Variants in TTYH2 observed in about 807,000 individuals in gnomAD.
TTYH2 encodes the protein protein tweety homolog 2.
A neutral mutation model predicts 68.3 loss-of-function variants in TTYH2; 49 were observed. The observed-to-expected ratio is 0.72, with a 90% CI of 0.57 to 0.91. The LOEUF (loss-of-function observed/expected upper bound fraction) is 0.91. Ranked by LOEUF, TTYH2 falls within the 40% of genes least tolerant of loss-of-function variation. The pLI is 0.00. For missense variants in TTYH2, 631 were observed against 700.4 expected (o/e 0.90, Z 1.12); for synonymous variants, 272 against 300.8 (o/e 0.90, Z 0.99).
chr17:74,228,012 C>T (rs2050349384), intron 2 of TTYH2, among the ~76,000 whole-genome samples: 3 of 109,406 alleles, frequency 2.7e-5, no homozygotes, highest in Non-Finnish European at 4.9e-5. Flanking sequence ...GAGATAGAGT[C>T]TTGCTCTGTC....
intron 10 of TTYH2, chr17:74,250,563 G>A: frequency 1.8e-6 from 1 of 563,462 alleles, no homozygotes; most frequent in Non-Finnish European, 3.2e-6. Context: ...CAAGGGACCA[G>A]GGGTTCGGGA....
intron 1 of TTYH2, among the ~76,000 whole-genome samples, chr17:74,219,710 C>G (rs574107473): frequency 2.6e-5 from 4 of 152,170 alleles, no homozygotes; most frequent in African/African-American, 9.7e-5. Context: ...AACCTGACTT[C>G]TGGGAAATTC....
At position 74,241,583 on chromosome 17, in the gene TTYH2, C is replaced by G. The variant is rs886466855; in HGVS notation, c.636-1791C>G. On this transcript the variant is annotated intron_variant, in intron 4 of 13. Transcript: ENST00000269346. This position sits in a 1 kb window ranked among gnomAD's most constrained non-coding sequence, Gnocchi z 4.1. The stretch of plus-strand genomic sequence containing the variant: ...AGGCCTCCAGCTTGCTCCCTCCCCT[C>G]TCTCCCTCGGAGCCTCTTTGCCACT... 6.6e-6 allele frequency among the ~76,000 whole-genome samples: 1 copy of G among 152,154 alleles called. No homozygotes were observed. The highest frequency in any genetic ancestry group is 2.4e-5 in the African/African-American group (1 of 41,430).
At position 74,219,403 on chromosome 17, in the gene TTYH2, A is replaced by AAAAAAAAAAAAAAAAG. The variant is rs1241503126; in HGVS notation, c.130-3082_130-3081insAAAAAAAAAAAAAAAG. The stretch of plus-strand genomic sequence containing the variant: ...ACTCCGTGTCAAAAAAAAAAAAAAA[A>AAAAAAAAAAAAAAAAG]GAATAACTTACAGGAAAGAGTGCAG... On this transcript the variant is annotated intron_variant, in intron 1 of 13. Transcript: ENST00000269346. 2.1e-3 allele frequency among the ~76,000 whole-genome samples: 318 copies of AAAAAAAAAAAAAAAAG among 149,582 alleles called. 11 individuals carry two copies. Among genetic ancestry groups the AAAAAAAAAAAAAAAAG allele is most frequent in the African/African-American group, 7.8e-3 (304 of 39,204 alleles).
intron 12 of TTYH2, 108 bp downstream of exon 12, chr17:74,253,374 TC>T (rs2143781171): frequency 1.5e-6 from 2 of 1,351,120 alleles, no homozygotes; most frequent in East Asian, 4.9e-5. Context: ...CCACCCGTGG[TC>T]CCCACTACAG....
At chr17:74,260,024 C>T (rs895179026) in intron 13 of TTYH2, 105 bp from the exon 14 acceptor site, 5 of 1,021,116 alleles carry the variant, frequency 4.9e-6, no homozygotes, top group African/African-American at 3.2e-5. Flanking sequence ...CCGGGTTTCC[C>T]TCTGACACCC....
At chr17:74,245,314 CAG>C (rs1220861618) in intron 6 of TTYH2, among the ~76,000 whole-genome samples, 1 of 152,262 alleles carries the variant, frequency 6.6e-6, no homozygotes, top group Non-Finnish European at 1.5e-5. Context: ...CGGCTGTAAA[CAG>C]TGCCACTGCT....
At chr17:74,248,839 G>A in intron 6 of TTYH2, 172 bp from the exon 7 acceptor site, 1 of 1,446,150 alleles carries the variant, frequency 6.9e-7, no homozygotes, top group Non-Finnish European at 9.1e-7. Context: ...CAAGGCAACA[G>A]AGCTAGGAAG....
intron 11 of TTYH2, among the ~76,000 whole-genome samples, 200 bp downstream of exon 11, chr17:74,252,576 G>A (rs531292809): frequency 1.3e-5 from 2 of 152,362 alleles, no homozygotes; most frequent in South Asian, 2.1e-4. Context: ...AAAGGAGTTC[G>A]GTGGGGCCCA....
At chr17:74,244,855 AGTGTGT>A (rs58119512) in intron 6 of TTYH2, among the ~76,000 whole-genome samples, 34,496 of 149,830 alleles carry the variant, frequency 0.23, 4,158 homozygotes, top group South Asian at 0.3. Context: ...GTGGAGGTGC[AGTGTGT>A]GTGTGTGTGT....
chr17:74,251,391 T>G (rs577790991), intron 10 of TTYH2, among the ~76,000 whole-genome samples: 24 of 147,220 alleles, frequency 1.6e-4, no homozygotes, highest in East Asian at 1.5e-3. Flanking sequence ...GTGTGGGGGG[T>G]GTGTGTGCGT....
chr17:74,234,768 C>A (rs923412008), intron 3 of TTYH2, among the ~76,000 whole-genome samples: 2 of 151,982 alleles, frequency 1.3e-5, no homozygotes, highest in African/African-American at 4.8e-5. Flanking sequence ...TTTTAACAGC[C>A]CTTTACTCTG....
chr17:74,251,324 G>A (rs2050625200), intron 10 of TTYH2, among the ~76,000 whole-genome samples: 1 of 149,284 alleles, frequency 6.7e-6, no homozygotes, highest in Non-Finnish European at 1.5e-5. Flanking sequence ...GTGCACATGT[G>A]TGCACATGTA....
Position 74,244,081 on chromosome 17 carries a change from G to A in TTYH2, c.804+32G>A, listed in dbSNP as rs73356648. On this transcript the variant is annotated intron_variant, in intron 6 of 13. Transcript: ENST00000269346. ...TGGGGGAGGGAGTGGGTGGTGGGTG[G>A]TGGTTGGTCTGCCAGGACACTCTGG... 2.5e-4 allele frequency: 396 copies of A among 1,601,636 alleles called. 3 individuals carry two copies. The African/African-American group carries it at 5.0e-3, about 20-fold the overall frequency.
rs1003535302 is a variant in TTYH2, at chr17:74,241,121, C to G, written c.636-2253C>G. 2 of 152,100 alleles carry G rather than the reference C, an allele frequency of 1.3e-5. No individual in the cohort carries two copies. The highest frequency in any genetic ancestry group is 2.9e-5 in the Non-Finnish European group (2 of 68,036). 9.4% of individuals were successfully genotyped at this position (152,100 alleles called of 1,614,324 possible). Reference sequence around the variant, plus strand: ...TCTCCCCACCAGGGGCCTTGGCTTTCTAATCTGTACTAATCTGTAGAATGG... The same window carrying G: ...TCTCCCCACCAGGGGCCTTGGCTTTGTAATCTGTACTAATCTGTAGAATGG... On this transcript the variant is annotated intron_variant, in intron 4 of 13. Transcript: ENST00000269346. This position sits in a 1 kb window ranked among gnomAD's most constrained non-coding sequence, Gnocchi z 4.1.
chr17:74,234,897 TGTA>T (rs2050427441), intron 3 of TTYH2, among the ~76,000 whole-genome samples: 1 of 152,238 alleles, frequency 6.6e-6, no homozygotes, highest in Non-Finnish European at 1.5e-5. Context: ...CCAAAGTGGT[TGTA>T]CATTTATCTT....
Position 74,213,653 on chromosome 17 carries a change from C to G in TTYH2, c.66C>G (p.His22Gln). The G allele has an allele frequency of 6.2e-7, 1 of 1,612,418 alleles. No homozygotes were observed. Among genetic ancestry groups the G allele is most frequent in the Non-Finnish European group, 8.5e-7 (1 of 1,179,588 alleles). Residue 22 changes from histidine (H) to glutamine (Q), a missense_variant, in exon 1 of 14, where the codon CAC becomes CAG. Coordinates refer to ENST00000269346, the MANE Select transcript of TTYH2 (RefSeq NM_032646.6). The surrounding 1 kb of genome is among the most constrained non-coding windows in gnomAD (Gnocchi z 6.1). ...WWVVWLHSVP[H>Q]VGLRLQPVNS... ...TCGTGTGGCTGCACAGCGTCCCGCA[C>G]GTCGGCCTGCGCCTGCAGCCCGTGA...
intron 13 of TTYH2, 82 bp from the exon 14 acceptor site, chr17:74,260,047 C>A: frequency 1.5e-6 from 2 of 1,306,800 alleles, no homozygotes; most frequent in South Asian, 1.2e-5. Context: ...CCCAGTTCCA[C>A]TCTGAGAAGT....
chr17:74,228,641 G>C (rs1463340485), intron 2 of TTYH2, among the ~76,000 whole-genome samples: 1 of 152,060 alleles, frequency 6.6e-6, no homozygotes. Flanking sequence ...GAGAGACTGG[G>C]CTTAACAGCA....
Sources: allele counts gnomAD v4.1 joint callset (sites outside exome capture counted in the v4.1 genomes callset), GRCh38; gene constraint gnomAD v4.1.1; non-coding constraint Gnocchi (gnomAD v3.1); transcripts MANE v1.5; gene names NCBI Gene and HGNC (gene_info 2026-07-23, HGNC 2026-07-21).